The following EFTUD2 variants were observed in gnomAD, a reference collection of about 807,000 sequenced individuals.
The protein encoded by EFTUD2 is 116 kDa U5 small nuclear ribonucleoprotein component.
Under a neutral mutation model 114.3 loss-of-function variants are expected in EFTUD2, and 9 were observed. The ratio of observed to expected loss-of-function variants is 0.08; its 90% confidence interval spans 0.05 to 0.14. EFTUD2 has a LOEUF of 0.14. Among genes scored for constraint, EFTUD2 ranks in the 10% least tolerant of loss-of-function variants. The probability of loss-of-function intolerance (pLI) is 1.00; values close to 1 mark genes in which losing one functional copy is unlikely to be tolerated. For missense variants in EFTUD2, 765 were observed against 1,241.2 expected (o/e 0.62, Z 5.76); for synonymous variants, 449 against 462.3 (o/e 0.97, Z 0.37).
intron 8 of EFTUD2, 24 bp downstream of exon 8, chr17:44,880,530 A>G (rs554048290): frequency 1.3e-6 from 2 of 1,599,040 alleles, no homozygotes; most frequent in South Asian, 1.1e-5. Flanking sequence ...GGTTCTAATA[A>G]TCAAAAGCCA....
At chr17:44,856,941 T>G in intron 20 of EFTUD2, 134 bp downstream of exon 20, 1 of 672,670 alleles carries the variant, frequency 1.5e-6, no homozygotes, top group East Asian at 2.8e-5. Flanking sequence ...AACTCAAGTA[T>G]TGTAAGCACC....
At chr17:44,868,212 C>CA (rs1828624704) in intron 12 of EFTUD2, 75 bp downstream of exon 12, 10 of 1,324,622 alleles carry the variant, frequency 7.5e-6, no homozygotes, top group African/African-American at 3.0e-5. Flanking sequence ...TCTTTGAACT[C>CA]AGAGAATTTC....
At chr17:44,888,383 G>T (rs1420812183) in intron 2 of EFTUD2, among the ~76,000 whole-genome samples, 1 of 152,168 alleles carries the variant, frequency 6.6e-6, no homozygotes, top group Non-Finnish European at 1.5e-5. Flanking sequence ...AGAATTATCT[G>T]GCCCCAATGT....
chr17:44,891,046 A>T (rs1442908249), intron 2 of EFTUD2, among the ~76,000 whole-genome samples: 1 of 152,194 alleles, frequency 6.6e-6, no homozygotes, highest in Non-Finnish European at 1.5e-5. Context: ...CAAACCGAGT[A>T]GCAGTCAGTT....
chr17:44,866,434 G>A (rs1268410651), intron 13 of EFTUD2, among the ~76,000 whole-genome samples: 1 of 151,742 alleles, frequency 6.6e-6, no homozygotes, highest in East Asian at 1.9e-4. Flanking sequence ...TTTTTGAGAC[G>A]GAGTCTTGCT....
chr17:44,870,794 C>A (rs553604024), intron 11 of EFTUD2, among the ~76,000 whole-genome samples: 3 of 151,962 alleles, frequency 2.0e-5, no homozygotes, highest in East Asian at 3.9e-4. Flanking sequence ...CCGAGGTGGG[C>A]GGATCACGAG....
intron 10 of EFTUD2, 62 bp from the exon 11 acceptor site, chr17:44,872,632 G>A: frequency 1.3e-6 from 2 of 1,509,622 alleles, no homozygotes; most frequent in East Asian, 2.4e-5. Flanking sequence ...CACTGCCAAG[G>A]GGAAGGGCAG....
chr17:44,886,466 C>A, intron 3 of EFTUD2, 119 bp downstream of exon 3: 1 of 1,497,536 alleles, frequency 6.7e-7, no homozygotes, highest in Non-Finnish European at 8.9e-7. Context: ...AGAAACAGTA[C>A]CTGAAGGTAG....
chr17:44,871,481 C>T (rs896111146), intron 11 of EFTUD2, among the ~76,000 whole-genome samples: 2 of 151,954 alleles, frequency 1.3e-5, no homozygotes, highest in Non-Finnish European at 2.9e-5. Flanking sequence ...TGGGACTACA[C>T]GTGCCCGCCA....
intron 14 of EFTUD2, 170 bp from the exon 15 acceptor site, chr17:44,863,952 C>T: frequency 1.2e-6 from 1 of 863,506 alleles, no homozygotes; most frequent in South Asian, 1.9e-5. Context: ...GAATGTGCTG[C>T]TAGAAGATTT....
At chr17:44,865,749 T>G (rs1323253271) in intron 13 of EFTUD2, among the ~76,000 whole-genome samples, 1 of 152,254 alleles carries the variant, frequency 6.6e-6, no homozygotes. Context: ...TGTATGAAAA[T>G]TCCTATAATT....
chr17:44,859,676 C>T (rs954572045), intron 18 of EFTUD2: 10 of 614,652 alleles, frequency 1.6e-5, no homozygotes, highest in African/African-American at 1.5e-4. Context: ...TGTCCTATAC[C>T]CCCCATCACT....
At chr17:44,881,513 C>A (rs1012414472) in intron 7 of EFTUD2, among the ~76,000 whole-genome samples, 174 bp downstream of exon 7, 3 of 152,182 alleles carry the variant, frequency 2.0e-5, no homozygotes, top group Non-Finnish European at 4.4e-5. Flanking sequence ...AGTTCTTTTT[C>A]AAGTTATAAC....
Position 44,899,414 on chromosome 17 carries a change from G to C in EFTUD2, c.-50C>G, listed in dbSNP as rs868141987. The C allele has an allele frequency of 6.6e-6, 1 of 152,378 alleles. No homozygotes were observed. Among genetic ancestry groups the C allele is most frequent in the Non-Finnish European group, 1.5e-5 (1 of 68,184 alleles). The allele number at this position is 152,378 out of a possible 1,614,324, so 9.4% of individuals were successfully genotyped here. ...AGTTCCCAGGCCGCTGCCGGAGATC[G>C]TGCTTCCGCCCCACGCCGAGGAAAC... On this transcript the variant is annotated 5_prime_UTR_variant, in exon 1 of 28. Coordinates refer to ENST00000426333, the MANE Select transcript of EFTUD2 (RefSeq NM_004247.4).
At chr17:44,883,809 T>C (rs957386047) in intron 4 of EFTUD2, 85 bp from the exon 5 acceptor site, 1 of 1,368,214 alleles carries the variant, frequency 7.3e-7, no homozygotes, top group East Asian at 2.3e-5. Context: ...AGGTATTTTT[T>C]GGCCAGGAAC....
At chr17:44,858,071 G>A (rs946373804) in intron 19 of EFTUD2, among the ~76,000 whole-genome samples, 6 of 151,984 alleles carry the variant, frequency 3.9e-5, no homozygotes, top group Admixed American at 6.6e-5. Flanking sequence ...ACAGGTGCCC[G>A]CCACCATGTC....
intron 2 of EFTUD2, among the ~76,000 whole-genome samples, chr17:44,890,350 A>G (rs2145569681): frequency 6.6e-6 from 1 of 151,490 alleles, no homozygotes; most frequent in East Asian, 2.0e-4. Flanking sequence ...TCCTGTCCCC[A>G]TTACCAAAAT....
chr17:44,853,188 G>T, intron 25 of EFTUD2, 108 bp downstream of exon 25: 1 of 1,166,822 alleles, frequency 8.6e-7, no homozygotes. Flanking sequence ...GGGGTTTCCA[G>T]AGAGAGGAGG....
chr17:44,862,374 G>A (rs981375338), intron 16 of EFTUD2, among the ~76,000 whole-genome samples: 12 of 152,140 alleles, frequency 7.9e-5, no homozygotes, highest in Non-Finnish European at 1.2e-4. Flanking sequence ...GGCGGAGGTC[G>A]CAGTGAGCTG....
Sources: gnomAD v4.1 joint callset for allele counts (sites outside exome capture counted in the v4.1 genomes callset) on GRCh38, gnomAD v4.1.1 for gene constraint, MANE v1.5 for transcripts, NCBI Gene and HGNC (gene_info 2026-07-23, HGNC 2026-07-21) for gene names.